The following LRMDA variants were observed in gnomAD, a reference collection of about 807,000 sequenced individuals.
LRMDA encodes leucine-rich melanocyte differentiation-associated protein.
In LRMDA, 18 loss-of-function variants were observed where a neutral mutation model predicts 29.8. That is an observed-to-expected ratio of 0.60 (90% CI 0.42 to 0.90). The LOEUF is 0.90. Ranked by LOEUF, LRMDA falls within the 40% of genes least tolerant of loss-of-function variation. The pLI, the probability that LRMDA is intolerant of heterozygous loss-of-function variation, is 0.00. For missense variants in LRMDA, 273 were observed against 273.9 expected (o/e 1.00, Z 0.02); for synonymous variants, 125 against 109.4 (o/e 1.14, Z -0.89).
At chr10:76,349,319 G>C (rs980846681) in intron 6 of LRMDA, among the ~76,000 whole-genome samples, 2 of 152,158 alleles carry the variant, frequency 1.3e-5, no homozygotes, top group Admixed American at 6.6e-5. Flanking sequence ...AGCCAATGGG[G>C]TTGGCTGTGT....
intron 5 of LRMDA, among the ~76,000 whole-genome samples, chr10:76,069,210 T>C (rs1322877134): frequency 1.3e-5 from 2 of 152,186 alleles, no homozygotes; most frequent in African/African-American, 2.4e-5. Flanking sequence ...TGCATCTTCT[T>C]TGTCACTCTG....
chr10:75,733,992 C>T (rs1290061764), intron 2 of LRMDA, among the ~76,000 whole-genome samples: 1 of 152,132 alleles, frequency 6.6e-6, no homozygotes, highest in Non-Finnish European at 1.5e-5. Flanking sequence ...CTTCAAGATT[C>T]TTACCTTTGC....
At chr10:75,642,532 C>A (rs1453531652) in intron 2 of LRMDA, 1 of 152,084 alleles carries the variant, frequency 6.6e-6, no homozygotes, top group African/African-American at 2.4e-5. Context: ...CCCCAAATAC[C>A]CAACTTTTGC....
chr10:75,441,529 T>C (rs78960777), intron 2 of LRMDA, among the ~76,000 whole-genome samples: 1,705 of 152,274 alleles, frequency 0.011, 34 homozygotes, highest in African/African-American at 0.039. Flanking sequence ...TAGCACTGTT[T>C]CTGGAAATTT....
chr10:76,493,417 T>C (rs1392246134), intron 6 of LRMDA, among the ~76,000 whole-genome samples: 4 of 152,010 alleles, frequency 2.6e-5, no homozygotes, highest in Admixed American at 2.6e-4. Flanking sequence ...CCACTCTGGC[T>C]CAGGGTAGGT....
chr10:75,515,592 C>T (rs959944638), intron 2 of LRMDA, among the ~76,000 whole-genome samples: 15 of 152,100 alleles, frequency 9.9e-5, no homozygotes, highest in African/African-American at 3.6e-4. Context: ...GTTGCCCAGG[C>T]TGGTCTTGAA....
intron 6 of LRMDA, among the ~76,000 whole-genome samples, chr10:76,352,555 A>G (rs1202552571): frequency 2.0e-5 from 3 of 152,188 alleles, no homozygotes; most frequent in Admixed American, 6.5e-5. Context: ...AGATTTTATC[A>G]TGCTACTCAG....
At chr10:76,211,992 A>G (rs977761669) in intron 5 of LRMDA, among the ~76,000 whole-genome samples, 31 of 152,162 alleles carry the variant, frequency 2.0e-4, no homozygotes, top group African/African-American at 7.5e-4. Context: ...ACATCCTACA[A>G]GTCACCAATG....
At chr10:76,084,936 GC>G (rs1276403858) in intron 5 of LRMDA, among the ~76,000 whole-genome samples, 2 of 152,098 alleles carry the variant, frequency 1.3e-5, no homozygotes, top group African/African-American at 4.8e-5. Context: ...GGGTCCTTTT[GC>G]CTATTTCGTG....
At chr10:75,852,356 G>A (rs1161902816) in intron 2 of LRMDA, among the ~76,000 whole-genome samples, 3 of 152,108 alleles carry the variant, frequency 2.0e-5, no homozygotes, top group Admixed American at 6.5e-5. Flanking sequence ...AGGTGGGTGG[G>A]AAATTATATT....
At chr10:75,500,963 T>G (rs1451813157) in intron 2 of LRMDA, among the ~76,000 whole-genome samples, 1 of 152,194 alleles carries the variant, frequency 6.6e-6, no homozygotes, top group African/African-American at 2.4e-5. Context: ...TTCTGCAACC[T>G]GTTGTCAGTC....
chr10:75,763,203 A>G (rs1445743134), intron 2 of LRMDA, among the ~76,000 whole-genome samples: 1 of 152,226 alleles, frequency 6.6e-6, no homozygotes, highest in Non-Finnish European at 1.5e-5. Context: ...CTTTGTTTCT[A>G]TAGGAAATAT....
rs1453959461 is a variant in LRMDA, at chr10:75,788,038, A to AACAAAG, written c.132-247965_132-247964insGACAAA. ...AGTGAGACTCCGTCTCAAAAACAAA[A>AACAAAG]ACAAAAACAAAAATTAGCTGGACGT... On this transcript the variant is annotated intron_variant, in intron 2 of 6. Transcript: ENST00000611255. 8.6e-5 allele frequency among the ~76,000 whole-genome samples: 13 copies of AACAAAG among 151,816 alleles called. No individual in the cohort carries two copies. In the South Asian group the frequency reaches 2.5e-3, roughly 29 times the overall value.
rs1042461866 is a variant in LRMDA, at chr10:76,260,258, C to T, written c.517-64143C>T. Among the ~76,000 whole-genome samples, 9 of 152,072 alleles carry T rather than the reference C, an allele frequency of 5.9e-5. 1 individual carries two copies. The South Asian group carries it at 1.9e-3, about 32-fold the overall frequency. On this transcript the variant is annotated intron_variant, in intron 5 of 6. Coordinates refer to ENST00000611255, the MANE Select transcript of LRMDA (RefSeq NM_001305581.2). ...TTGCCTTGCTTCTTTTCTCTTTCTTCCTTGTGTATTGTCCCTACCAGTGAG... is the reference window on the plus strand; with the variant it reads ...TTGCCTTGCTTCTTTTCTCTTTCTTTCTTGTGTATTGTCCCTACCAGTGAG...
intron 6 of LRMDA, among the ~76,000 whole-genome samples, chr10:76,432,324 CAT>C (rs1232826336): frequency 6.6e-6 from 1 of 152,122 alleles, no homozygotes; most frequent in Non-Finnish European, 1.5e-5. Context: ...AAAAAGAGAA[CAT>C]AAAATGCTAG....
At chr10:76,324,363 T>C in intron 5 of LRMDA, 38 bp from the exon 6 acceptor site, 2 of 1,567,960 alleles carry the variant, frequency 1.3e-6, no homozygotes, top group Non-Finnish European at 1.8e-6. Context: ...ATTTGGTGTT[T>C]GGTGTTGCTT....
chr10:75,809,441 C>T (rs544502002), intron 2 of LRMDA, among the ~76,000 whole-genome samples: 6 of 151,894 alleles, frequency 4.0e-5, no homozygotes, highest in Non-Finnish European at 8.8e-5. Flanking sequence ...GTCAGGAGTT[C>T]GAGACCAGCT....
At chr10:75,799,753 C>T (rs547026417) in intron 2 of LRMDA, among the ~76,000 whole-genome samples, 3 of 150,240 alleles carry the variant, frequency 2.0e-5, no homozygotes, top group African/African-American at 4.9e-5. Context: ...AGCATGTTGA[C>T]CAGGCTAGTC....
intron 5 of LRMDA, among the ~76,000 whole-genome samples, chr10:76,187,357 T>C (rs1851167994): frequency 1.3e-5 from 2 of 152,168 alleles, no homozygotes; most frequent in Admixed American, 1.3e-4. Context: ...ATAAAGACAC[T>C]CTGTAAGCCA....
Sources: gnomAD v4.1 joint callset for allele counts (sites outside exome capture counted in the v4.1 genomes callset) on GRCh38, gnomAD v4.1.1 for gene constraint, MANE v1.5 for transcripts, NCBI Gene and HGNC (gene_info 2026-07-23, HGNC 2026-07-21) for gene names.